TEF: variants seen among roughly 807,000 people sequenced by gnomAD.
TEF encodes thyrotroph embryonic factor.
In TEF, 3 loss-of-function variants were observed where a neutral mutation model predicts 20.8. That is an observed-to-expected ratio of 0.14 (90% CI 0.07 to 0.37). The LOEUF is 0.37. TEF is among the 10% of genes least tolerant of loss of function. The probability of loss-of-function intolerance (pLI) is 1.00; values close to 1 mark genes in which losing one functional copy is unlikely to be tolerated. For synonymous variants in TEF, 180 were observed against 171.1 expected (o/e 1.05, Z -0.41); for missense variants, 296 against 397.9 (o/e 0.74, Z 2.18).
At chr22:41,382,576 G>A (rs759046592) in intron 1 of TEF, among the ~76,000 whole-genome samples, 35 of 152,096 alleles carry the variant, frequency 2.3e-4, no homozygotes, top group Non-Finnish European at 4.7e-4. Flanking sequence ...TGGGACAGGG[G>A]TCTTGCATTT....
intron 2 of TEF, among the ~76,000 whole-genome samples, chr22:41,393,057 C>T (rs747500229): frequency 6.6e-6 from 1 of 151,096 alleles, no homozygotes; most frequent in Non-Finnish European, 1.5e-5. Flanking sequence ...AAAGTGGAGC[C>T]TGGCCAGGTG....
intron 1 of TEF, among the ~76,000 whole-genome samples, chr22:41,368,895 T>G (rs1225827587): frequency 6.6e-6 from 1 of 152,158 alleles, no homozygotes; most frequent in Non-Finnish European, 1.5e-5. Flanking sequence ...GCCGGAGGGA[T>G]CTGCCCCCAT....
At chr22:41,374,269 A>C (rs1358702695) in intron 1 of TEF, among the ~76,000 whole-genome samples, 4 of 151,836 alleles carry the variant, frequency 2.6e-5, no homozygotes, top group Non-Finnish European at 5.9e-5. Context: ...TAGCTAGGCA[A>C]GCCAGGCATG....
chr22:41,391,763 C>T (rs535742912), intron 2 of TEF, among the ~76,000 whole-genome samples: 81 of 152,120 alleles, frequency 5.3e-4, no homozygotes, highest in African/African-American at 1.9e-3. Context: ...GCTGGGACTA[C>T]AGGCGCATGC....
At position 41,398,940 on chromosome 22, in the gene TEF, T is replaced by C. The variant is rs2037262010; in HGVS notation, c.*2980T>C. The C allele has an allele frequency of 6.5e-6, 1 of 152,692 alleles. No individual in the cohort carries two copies. The highest frequency in any genetic ancestry group is 2.1e-4 in the South Asian group (1 of 4,834). 9.5% of individuals were successfully genotyped at this position (152,692 alleles called of 1,614,324 possible). ...TCTACTCCAGAGCTCCTTTAACATC[T>C]GCTAATTAAGTGCAATAAATTTTTC... On this transcript the variant is annotated 3_prime_UTR_variant, in exon 4 of 4. Transcript: ENST00000266304.
At chr22:41,383,712 C>T (rs1198431249) in intron 1 of TEF, among the ~76,000 whole-genome samples, 2 of 152,228 alleles carry the variant, frequency 1.3e-5, no homozygotes, top group African/African-American at 2.4e-5. Flanking sequence ...AAAATTCCAC[C>T]TTACAAAAAC....
intron 1 of TEF, among the ~76,000 whole-genome samples, chr22:41,373,025 C>T (rs2036901276): frequency 6.6e-6 from 1 of 152,180 alleles, no homozygotes; most frequent in African/African-American, 2.4e-5. Context: ...ACCTGCAGAG[C>T]TTTGACGGTC....
chr22:41,377,868 T>TA (rs1434496198), upstream of TEF, among the ~76,000 whole-genome samples: 2 of 152,138 alleles, frequency 1.3e-5, no homozygotes, highest in African/African-American at 4.8e-5. Flanking sequence ...ACTTGCCTGT[T>TA]AGGGTAGCTG....
In TEF at chr22:41,382,190, A is replaced by G. The variant is rs1601818186; in HGVS notation, c.146A>G (p.Glu49Gly). Residue 49 changes from glutamate (E) to glycine (G), a missense_variant, in exon 1 of 4, where the codon GAG (glutamate) becomes GGG (glycine). Glu to Gly is a moderately conservative substitution (Grantham distance 98). This residue lies in a region of TEF where 102 missense variants were observed against 80.1 expected (regional missense o/e 1.27). Transcript: ENST00000266304. ...AAGCTGATGGAGAACCCCCCGCGCG[A>G]GGCGCGCCTCGGTGAGGGCGGGGGG... ...LKKLMENPPR[E>G]ARLDKEKGKE... The G allele has an allele frequency of 9.8e-7, 1 of 1,016,720 alleles. No individual in the cohort carries two copies. 63.0% of individuals were successfully genotyped at this position (1,016,720 alleles called of 1,614,324 possible). A position where few individuals can be genotyped will look rare whatever the true frequency, so the allele number is the denominator to read the frequency against.
At chr22:41,372,665 G>A (rs558661733) in intron 1 of TEF, among the ~76,000 whole-genome samples, 34 of 152,118 alleles carry the variant, frequency 2.2e-4, no homozygotes, top group Non-Finnish European at 4.4e-4. Context: ...CTTCCAGAGC[G>A]TTTGCTATGC....
At chr22:41,394,922 G>A (rs1183407353) in intron 3 of TEF, among the ~76,000 whole-genome samples, 1 of 152,218 alleles carries the variant, frequency 6.6e-6, no homozygotes, top group Non-Finnish European at 1.5e-5. Context: ...AGGTTTGTGA[G>A]ACTTTAATAA....
Position 41,398,678 on chromosome 22 carries a change from C to G in TEF, c.*2718C>G, listed in dbSNP as rs2037258814. On this transcript the variant is annotated 3_prime_UTR_variant, in exon 4 of 4. Coordinates refer to ENST00000266304, the MANE Select transcript of TEF (RefSeq NM_003216.4). The stretch of plus-strand genomic sequence containing the variant: ...TGGCCAAAGGAAGAGGTTTTCCTGT[C>G]TGGCTTCTGAGGTTGGAGGGGGCAC... 6.6e-6 allele frequency: 1 copy of G among 152,486 alleles called. No individual in the cohort carries two copies. The highest frequency in any genetic ancestry group is 1.5e-5 in the Non-Finnish European group (1 of 68,066). The allele number at this position is 152,486 out of a possible 1,614,324, so 9.4% of individuals were successfully genotyped here.
intron 3 of TEF, 147 bp downstream of exon 3, chr22:41,394,463 C>G: frequency 1.3e-6 from 1 of 793,842 alleles, no homozygotes; most frequent in African/African-American, 1.7e-5. Flanking sequence ...AAAGCCATAT[C>G]CTTCAGCAGT....
At position 41,381,945 on chromosome 22, in the gene TEF, G is replaced by A. The variant is rs2037030870; in HGVS notation, c.-100G>A. 2.4e-6 allele frequency: 3 copies of A among 1,226,952 alleles called. No individual in the cohort carries two copies. The highest frequency in any genetic ancestry group is 3.1e-4 in the Middle Eastern group (1 of 3,188). The allele number at this position is 1,226,952 out of a possible 1,614,324, so 76.0% of individuals were successfully genotyped here. Reference sequence around the variant, plus strand: ...GGGGGCGCCATTGGGCGCCTGCGCAGTAGCTGCCCGTGTCGGCAGCTGCAG... The same window carrying A: ...GGGGGCGCCATTGGGCGCCTGCGCAATAGCTGCCCGTGTCGGCAGCTGCAG... On this transcript the variant is annotated 5_prime_UTR_variant, in exon 1 of 4. Coordinates refer to ENST00000266304, the MANE Select transcript of TEF (RefSeq NM_003216.4).
intron 1 of TEF, among the ~76,000 whole-genome samples, chr22:41,367,812 T>G (rs5758316): frequency 0.066 from 10,024 of 152,144 alleles, 1,177 homozygotes; most frequent in East Asian, 0.45. Context: ...CTGCTGGATT[T>G]GGGGAAGCCA....
rs761268970 is a variant in TEF at position 41,395,746 on chromosome 22, A to G, written c.698A>G (p.Asp233Gly). ...KKVFVPDEQK[D>G]EKYWTRRKKN... is the part of the protein sequence containing the mutation. The stretch of plus-strand genomic sequence containing the variant: ...CTCACAGAGGGCACTTCCCCACAGG[A>G]TGAAAAGTACTGGACAAGACGCAAG... The change falls in exon 4 of 4, where the codon GAT (aspartate) becomes GGT (glycine). Residue 233 changes from aspartate to glycine, a missense_variant and splice_region_variant. Coordinates refer to ENST00000266304, the MANE Select transcript of TEF (RefSeq NM_003216.4). The G allele has an allele frequency of 6.2e-7, 1 of 1,612,896 alleles. No homozygotes were observed.
chr22:41,388,763 T>C (rs1001365821), intron 2 of TEF, among the ~76,000 whole-genome samples: 1 of 152,042 alleles, frequency 6.6e-6, no homozygotes, highest in Admixed American at 6.6e-5. Flanking sequence ...CTTTCTGCAG[T>C]CTCTGAGGCA....
intron 1 of TEF, among the ~76,000 whole-genome samples, chr22:41,372,080 G>T (rs946987966): frequency 3.9e-5 from 6 of 152,198 alleles, no homozygotes; most frequent in Non-Finnish European, 8.8e-5. Context: ...GGACGAGGAT[G>T]GGGAGAGGGC....
chr22:41,387,486 A>G lies in TEF; in HGVS notation c.293A>G (p.Tyr98Cys). 2 of 1,614,234 alleles carry G rather than the reference A, an allele frequency of 1.2e-6. No homozygotes were observed. The highest frequency in any genetic ancestry group is 1.7e-6 in the Non-Finnish European group (2 of 1,180,032). Reference protein sequence around the residue: ...PYDGESFHLEYMDLDEFLLEN... With the variant: ...PYDGESFHLECMDLDEFLLEN... ...GATGGCGAATCTTTCCACCTGGAGT[A>G]CATGGACCTGGATGAGTTCCTGCTG... The change falls in exon 2 of 4, where the codon TAC becomes TGC. Residue 98 changes from tyrosine to cysteine, a missense_variant. By Grantham distance (194) the Tyr-to-Cys change is radical. Transcript: ENST00000266304.
Sources: allele counts gnomAD v4.1 joint callset (sites outside exome capture counted in the v4.1 genomes callset), GRCh38; gene constraint gnomAD v4.1.1; regional missense constraint gnomAD v4.1.1; transcripts MANE v1.5; gene names NCBI Gene and HGNC (gene_info 2026-07-23, HGNC 2026-07-21).